DOCK2: variants seen among roughly 807,000 people sequenced by gnomAD.
The protein encoded by DOCK2 is dedicator of cytokinesis protein 2.
DOCK2 carries 87 observed loss-of-function variants against 248.9 expected under a neutral mutation model. The observed-to-expected ratio is 0.35, with a 90% CI of 0.29 to 0.42. DOCK2 has a LOEUF of 0.42. Among genes scored for constraint, DOCK2 ranks in the 10% least tolerant of loss-of-function variants. The probability of loss-of-function intolerance (pLI) is 1.00; values close to 1 mark genes in which losing one functional copy is unlikely to be tolerated. For synonymous variants in DOCK2, 805 were observed against 821.6 expected (o/e 0.98, Z 0.35); for missense variants, 1,747 against 2,300.2 (o/e 0.76, Z 4.92).
At chr5:169,996,989 G>A (rs536574770) in intron 30 of DOCK2, among the ~76,000 whole-genome samples, 2 of 152,202 alleles carry the variant, frequency 1.3e-5, no homozygotes, top group South Asian at 4.2e-4. Context: ...AAGGGGACCC[G>A]GGGAACCAGT....
At position 170,045,329 on chromosome 5, in the gene DOCK2, A is replaced by G. The variant is rs142698685; in HGVS notation, c.3877-487A>G. 8.2e-3 allele frequency among the ~76,000 whole-genome samples: 1,241 copies of G among 152,266 alleles called. 12 individuals carry two copies. The highest frequency in any genetic ancestry group is 0.012 in the Non-Finnish European group (832 of 68,016). ...CATTTATCTTTGGAAAAGGGGGCCA[A>G]CACCTCCCTGAGGAGGCTGAGGGAA... On this transcript the variant is annotated intron_variant, in intron 38 of 51. Transcript: ENST00000520908.
At position 170,042,017 on chromosome 5, in the gene DOCK2, C is replaced by A; in HGVS notation, c.3761C>A (p.Ser1254Ter). The A allele has an allele frequency of 1.9e-6, 3 of 1,612,962 alleles. No individual in the cohort carries two copies. In the South Asian group the frequency reaches 3.3e-5, roughly 18 times the overall value. The change falls in exon 38 of 52, where the codon TCG becomes TAG. Residue 1254 changes from serine to a stop codon, truncating the protein, a stop_gained. Coordinates refer to ENST00000520908, the MANE Select transcript of DOCK2 (RefSeq NM_004946.3). LOFTEE classifies it high-confidence loss of function. ...TCCTGTGTCTTCTCTTCACAGTGGT[C>A]GGATGAGCAGTGTGCATCACAGGTC... is the stretch of plus-strand genomic sequence containing the variant. ...LLLHTWLLKW[S>*]DEQCASQVMQ...
rs576279978 is a variant in DOCK2 at position 169,939,345 on chromosome 5, G to A, written c.2800-43723G>A. ...CATCTGGTCTCATTGAAGGTCTTCA[G>A]GGACAATAACATTCATGAATTTGTC... On this transcript the variant is annotated intron_variant, in intron 27 of 51. Transcript: ENST00000520908. Among the ~76,000 whole-genome samples, 3 of 152,190 alleles carry A rather than the reference G, an allele frequency of 2.0e-5. No homozygotes were observed. The South Asian group carries it at 6.2e-4, about 32-fold the overall frequency.
At position 169,808,266 on chromosome 5, in the gene DOCK2, T is replaced by G. The variant is rs141551194; in HGVS notation, c.2703+5060T>G. Among the ~76,000 whole-genome samples, 475 of 152,246 alleles carry G rather than the reference T, an allele frequency of 3.1e-3. 1 individual carries two copies. The highest frequency in any genetic ancestry group is 0.01 in the African/African-American group (436 of 41,530). ...CCAGGGTAGAACCACGTGTGGAAATTTAGCAATTACAGTGCAGGATGCCAA... is the reference window on the plus strand; with the variant it reads ...CCAGGGTAGAACCACGTGTGGAAATGTAGCAATTACAGTGCAGGATGCCAA... On this transcript the variant is annotated intron_variant, in intron 26 of 51. Coordinates refer to ENST00000520908, the MANE Select transcript of DOCK2 (RefSeq NM_004946.3).
intron 1 of DOCK2, 138 bp from the exon 2 acceptor site, chr5:169,654,265 T>C (rs1581390012): frequency 8.3e-6 from 7 of 844,464 alleles, no homozygotes; most frequent in African/African-American, 1.7e-5. Context: ...TGGCAGGCAA[T>C]AGGTTTCTGT....
intron 29 of DOCK2, among the ~76,000 whole-genome samples, chr5:169,991,799 C>T (rs1333630076): frequency 6.6e-6 from 1 of 152,230 alleles, no homozygotes; most frequent in Non-Finnish European, 1.5e-5. Context: ...GAGTTTGGGT[C>T]TGGACTCTTC....
intron 27 of DOCK2, among the ~76,000 whole-genome samples, chr5:169,982,069 T>C (rs2113784283): frequency 8.7e-6 from 1 of 114,708 alleles, no homozygotes; most frequent in African/African-American, 5.1e-5. Flanking sequence ...GTAAAAATGC[T>C]TTTTTTTTTT....
chr5:169,753,906 A>G (rs1434234970), intron 23 of DOCK2, among the ~76,000 whole-genome samples: 3 of 152,206 alleles, frequency 2.0e-5, no homozygotes, highest in African/African-American at 4.8e-5. Flanking sequence ...TCCAGTTTCT[A>G]TGGACCTTGA....
intron 30 of DOCK2, among the ~76,000 whole-genome samples, chr5:170,006,565 G>A (rs1173067259): frequency 6.6e-6 from 1 of 152,132 alleles, no homozygotes; most frequent in East Asian, 1.9e-4. Flanking sequence ...AGGTTCTTCT[G>A]GTCTCTGCAT....
chr5:170,031,085 C>T (rs150908189), intron 34 of DOCK2, among the ~76,000 whole-genome samples: 3 of 152,348 alleles, frequency 2.0e-5, no homozygotes, highest in East Asian at 1.9e-4. Flanking sequence ...CATTGATCCA[C>T]GTATATCTGA....
chr5:169,895,525 A>C (rs1205989708), intron 27 of DOCK2, among the ~76,000 whole-genome samples: 1 of 151,956 alleles, frequency 6.6e-6, no homozygotes, highest in Non-Finnish European at 1.5e-5. Flanking sequence ...GCCAGCATTC[A>C]CGCATCCTCT....
intron 27 of DOCK2, among the ~76,000 whole-genome samples, chr5:169,951,397 G>T (rs1776658083): frequency 6.6e-6 from 1 of 152,168 alleles, no homozygotes; most frequent in Non-Finnish European, 1.5e-5. Flanking sequence ...GTCAGGGCTT[G>T]AATCCAGATC....
intron 29 of DOCK2, among the ~76,000 whole-genome samples, chr5:169,993,226 C>T (rs986664841): frequency 3.3e-5 from 5 of 152,168 alleles, no homozygotes; most frequent in African/African-American, 1.2e-4. Flanking sequence ...AACAGACTAA[C>T]AAAACCAAAG....
intron 25 of DOCK2, among the ~76,000 whole-genome samples, chr5:169,793,313 G>C (rs755051087): frequency 1.3e-5 from 2 of 152,120 alleles, no homozygotes; most frequent in Non-Finnish European, 2.9e-5. Context: ...TTGCACCCTT[G>C]TCTCTACTGC....
At chr5:169,702,538 G>GGGATGGTGTTGAATAATGT in intron 14 of DOCK2, 111 bp downstream of exon 14, 1 of 1,523,862 alleles carries the variant, frequency 6.6e-7, no homozygotes, top group Non-Finnish European at 8.9e-7. Flanking sequence ...AGGTGCCTTT[G>GGGATGGTGTTGAATAATGT]GGATGGTGTT....
chr5:169,959,063 T>C (rs1776975352), intron 27 of DOCK2, among the ~76,000 whole-genome samples: 1 of 152,114 alleles, frequency 6.6e-6, no homozygotes, highest in Non-Finnish European at 1.5e-5. Flanking sequence ...GTAGGTAGCA[T>C]TGCAGAATAT....
chr5:170,008,927 T>A (rs1475461707), intron 32 of DOCK2, among the ~76,000 whole-genome samples, 181 bp downstream of exon 32: 1 of 151,998 alleles, frequency 6.6e-6, no homozygotes, highest in Admixed American at 6.6e-5. Context: ...GGGTTCCCCA[T>A]ACCCACTTCT....
chr5:169,952,764 G>A (rs1776711478), intron 27 of DOCK2, among the ~76,000 whole-genome samples: 2 of 152,178 alleles, frequency 1.3e-5, no homozygotes, highest in African/African-American at 4.8e-5. Context: ...AGCTTCGTTT[G>A]ATGCCGTTTC....
At chr5:169,735,597 A>C (rs1036612026) in intron 22 of DOCK2, among the ~76,000 whole-genome samples, 6 of 152,168 alleles carry the variant, frequency 3.9e-5, no homozygotes, top group Admixed American at 2.6e-4. Context: ...GTCAGTTTTT[A>C]TTTATTTGTA....
Sources: gnomAD v4.1 joint callset for allele counts (sites outside exome capture counted in the v4.1 genomes callset) on GRCh38, gnomAD v4.1.1 for gene constraint, MANE v1.5 for transcripts, NCBI Gene and HGNC (gene_info 2026-07-23, HGNC 2026-07-21) for gene names.